ZFHX3: variants seen among roughly 807,000 people sequenced by gnomAD.
ZFHX3 encodes zinc finger homeobox protein 3.
ZFHX3 carries 42 observed loss-of-function variants against 279.1 expected under a neutral mutation model. The ratio of observed to expected loss-of-function variants is 0.15; its 90% confidence interval spans 0.12 to 0.19. The LOEUF (loss-of-function observed/expected upper bound fraction) is 0.19, where lower values mean the gene tolerates loss of function less well. ZFHX3 is among the 10% of genes least tolerant of loss of function. The pLI is 1.00. For missense variants in ZFHX3, 4,981 were observed against 4,754.0 expected (o/e 1.05, Z -1.40); for synonymous variants, 2,293 against 1,957.8 (o/e 1.17, Z -4.52).
chr16:73,819,649 A>G (rs909171618), intron 1 of ZFHX3, among the ~76,000 whole-genome samples: 1 of 152,138 alleles, frequency 6.6e-6, no homozygotes, highest in Non-Finnish European at 1.5e-5. Context: ...ATTATTGTGT[A>G]TAAGTCAACA....
Position 72,949,233 on chromosome 16 carries a change from G to C in ZFHX3, c.3216+1236C>G, listed in dbSNP as rs190585014. 2.2e-3 allele frequency among the ~76,000 whole-genome samples: 333 copies of C among 152,342 alleles called. 2 individuals are homozygous for C. Among genetic ancestry groups the C allele is most frequent in the Non-Finnish European group, 3.5e-3 (239 of 68,036 alleles). ...GAATCTCCGTTTAAAATCATTCTGA[G>C]TAGAGTAGGGACTCAACTAGCTCGG... is the stretch of plus-strand genomic sequence containing the variant. On this transcript the variant is annotated intron_variant, in intron 3 of 9. Coordinates refer to ENST00000268489, the MANE Select transcript of ZFHX3 (RefSeq NM_006885.4).
intron 5 of ZFHX3, among the ~76,000 whole-genome samples, chr16:73,230,220 G>A (rs1033666786): frequency 1.3e-5 from 2 of 152,160 alleles, no homozygotes; most frequent in African/African-American, 4.8e-5. Flanking sequence ...ATTGATGAAT[G>A]CAAGGGTGAA....
chr16:73,509,066 A>G (rs559452974), intron 2 of ZFHX3, among the ~76,000 whole-genome samples: 14 of 152,334 alleles, frequency 9.2e-5, no homozygotes, highest in African/African-American at 3.4e-4. Context: ...GTTGATAGTA[A>G]TTAATGAGAA....
intron 4 of ZFHX3, among the ~76,000 whole-genome samples, chr16:73,311,534 G>A (rs1416324030): frequency 1.4e-5 from 2 of 146,244 alleles, no homozygotes; most frequent in African/African-American, 2.5e-5. Context: ...AGGTTGCAGT[G>A]AGCTGAGATT....
At chr16:72,930,034 A>G (rs556086591) in intron 3 of ZFHX3, among the ~76,000 whole-genome samples, 3 of 152,324 alleles carry the variant, frequency 2.0e-5, no homozygotes, top group East Asian at 3.9e-4. Context: ...CCTGGCCAAC[A>G]TGGTGAAACT....
At chr16:73,554,279 C>G (rs978515187) in intron 2 of ZFHX3, 1 of 152,082 alleles carries the variant, frequency 6.6e-6, no homozygotes, top group Non-Finnish European at 1.5e-5. Flanking sequence ...CAGAGAACAT[C>G]TGATGAAAGC....
chr16:73,337,889 T>TGGC (rs368363604), intron 3 of ZFHX3, among the ~76,000 whole-genome samples: 2 of 30,688 alleles, frequency 6.5e-5, no homozygotes, highest in Admixed American at 2.9e-4. Flanking sequence ...CATCTTCCCT[T>TGGC]GGCGGGGGGG....
chr16:73,726,399 C>CAGCAAT (rs1214682576), intron 1 of ZFHX3, among the ~76,000 whole-genome samples: 12 of 152,168 alleles, frequency 7.9e-5, no homozygotes, highest in Non-Finnish European at 1.5e-5. Context: ...TTTTCAATCT[C>CAGCAAT]AGCAATATGG....
At chr16:72,823,290 G>A (rs778333531) in intron 5 of ZFHX3, among the ~76,000 whole-genome samples, 4 of 152,238 alleles carry the variant, frequency 2.6e-5, no homozygotes, top group East Asian at 1.9e-4. Context: ...ACTTTTGGGT[G>A]AGGTGGAGAA....
Position 72,868,148 on chromosome 16 carries a change from T to C in ZFHX3, c.3448+21583A>G, listed in dbSNP as rs1161945073. On this transcript the variant is annotated intron_variant, in intron 4 of 9. Coordinates refer to ENST00000268489, the MANE Select transcript of ZFHX3 (RefSeq NM_006885.4). Reference sequence around the variant, plus strand: ...GGAATAACATGAGATACATAAGTAATACATAAATGTAATTGGGTGCAAGGG... The same window carrying C: ...GGAATAACATGAGATACATAAGTAACACATAAATGTAATTGGGTGCAAGGG... 2.0e-5 allele frequency among the ~76,000 whole-genome samples: 3 copies of C among 152,334 alleles called. No individual in the cohort carries two copies. In the East Asian group the frequency reaches 5.8e-4, roughly 29 times the overall value.
chr16:73,766,049 T>A (rs184427155), intron 1 of ZFHX3, among the ~76,000 whole-genome samples: 2 of 152,262 alleles, frequency 1.3e-5, no homozygotes, highest in African/African-American at 2.4e-5. Context: ...TGGAGCAGAA[T>A]TTTTTCACAC....
intron 1 of ZFHX3, among the ~76,000 whole-genome samples, chr16:73,886,338 C>T (rs1307911618): frequency 6.6e-6 from 1 of 151,948 alleles, no homozygotes; most frequent in Non-Finnish European, 1.5e-5. Flanking sequence ...TTTGAGGACA[C>T]AAATTAACAG....
chr16:73,137,383 T>C (rs951564977), intron 6 of ZFHX3: 1 of 152,124 alleles, frequency 6.6e-6, no homozygotes, highest in Non-Finnish European at 1.5e-5. Context: ...CACACTTCAG[T>C]TCCTGAACTC....
intron 5 of ZFHX3, chr16:73,233,873 T>C (rs2012858112): frequency 1.3e-5 from 2 of 152,174 alleles, no homozygotes; most frequent in Non-Finnish European, 2.9e-5. Context: ...TCACATTGCT[T>C]CCTTATTTAG....
chr16:73,256,202 G>A (rs1401656461), intron 5 of ZFHX3, among the ~76,000 whole-genome samples: 1 of 152,124 alleles, frequency 6.6e-6, no homozygotes, highest in Non-Finnish European at 1.5e-5. Context: ...AAGGGAGGCA[G>A]AGCCAATGAG....
rs1283030024 is a variant in ZFHX3, at chr16:72,785,329, A to ACTGCTAT, written c.*1828_*1834dup. 1 of 152,624 alleles carries ACTGCTAT rather than the reference A, an allele frequency of 6.6e-6. No homozygotes were observed. The highest frequency in any genetic ancestry group is 1.5e-5 in the Non-Finnish European group (1 of 68,032). The allele number at this position is 152,624 out of a possible 1,614,324, so 9.5% of individuals were successfully genotyped here. On this transcript the variant is annotated 3_prime_UTR_variant, in exon 10 of 10. Coordinates refer to ENST00000268489, the MANE Select transcript of ZFHX3 (RefSeq NM_006885.4). ...ACAGTTCCTTTTTTGCTTTCTGTAC[A>ACTGCTAT]CTGCTATCTGCTGCTTTGTTGGCTG...
At chr16:73,739,812 C>T (rs1347155341) in intron 1 of ZFHX3, among the ~76,000 whole-genome samples, 1 of 152,198 alleles carries the variant, frequency 6.6e-6, no homozygotes, top group Non-Finnish European at 1.5e-5. Flanking sequence ...TCTCACTCAC[C>T]ATTTCTCCTC....
At chr16:73,742,366 T>C (rs910337109) in intron 1 of ZFHX3, among the ~76,000 whole-genome samples, 1 of 152,192 alleles carries the variant, frequency 6.6e-6, no homozygotes, top group African/African-American at 2.4e-5. Flanking sequence ...TGGGTATTAA[T>C]AGATTGGCTA....
intron 1 of ZFHX3, among the ~76,000 whole-genome samples, chr16:73,022,809 G>C (rs1964350685): frequency 6.6e-6 from 1 of 152,058 alleles, no homozygotes; most frequent in African/African-American, 2.4e-5. Context: ...CTTCCACAAG[G>C]GGCAGTCACC....
Sources: allele counts gnomAD v4.1 joint callset (sites outside exome capture counted in the v4.1 genomes callset), GRCh38; gene constraint gnomAD v4.1.1; transcripts MANE v1.5; gene names NCBI Gene and HGNC (gene_info 2026-07-23, HGNC 2026-07-21).